Variants in SORCS3 observed in about 807,000 individuals in gnomAD.
SORCS3 encodes the protein sortilin related VPS10 domain containing receptor 3, also known as VPS10 domain-containing receptor SorCS3.
Under a neutral mutation model 146.3 loss-of-function variants are expected in SORCS3, and 57 were observed. The ratio of observed to expected loss-of-function variants is 0.39; its 90% CI spans 0.31 to 0.49. The LOEUF is 0.49. Ranked by LOEUF, SORCS3 falls within the 20% of genes least tolerant of loss-of-function variation. The pLI, the probability that SORCS3 is intolerant of heterozygous loss-of-function variation, is 0.92. For synonymous variants in SORCS3, 653 were observed against 618.5 expected (o/e 1.06, Z -0.83); for missense variants, 1,341 against 1,575.5 (o/e 0.85, Z 2.52).
intron 1 of SORCS3, among the ~76,000 whole-genome samples, chr10:104,700,747 T>C (rs2016271070): frequency 6.6e-6 from 1 of 152,094 alleles, no homozygotes; most frequent in South Asian, 2.1e-4. Flanking sequence ...TGGCTTTAGG[T>C]GCTCTCCGGT....
At chr10:105,247,757 GA>G (rs2056875962) in intron 22 of SORCS3, among the ~76,000 whole-genome samples, 7 of 151,902 alleles carry the variant, frequency 4.6e-5, no homozygotes, top group Non-Finnish European at 7.4e-5. Context: ...AAAAGAAGAA[GA>G]AGAAGAAGAA....
intron 1 of SORCS3, among the ~76,000 whole-genome samples, chr10:104,736,919 C>T (rs1313094847): frequency 6.6e-6 from 1 of 151,992 alleles, no homozygotes; most frequent in Non-Finnish European, 1.5e-5. Flanking sequence ...CTCCTAATGC[C>T]ATCCCTCCCC....
At chr10:105,177,965 A>G (rs2056418171) in intron 13 of SORCS3, 101 bp from the exon 14 acceptor site, 3 of 804,504 alleles carry the variant, frequency 3.7e-6, no homozygotes, top group Non-Finnish European at 6.2e-6. Flanking sequence ...ACACTGCCAG[A>G]AAGCAAGATA....
intron 1 of SORCS3, among the ~76,000 whole-genome samples, chr10:104,710,608 A>G (rs1423007117): frequency 2.6e-5 from 4 of 152,244 alleles, no homozygotes; most frequent in Admixed American, 6.5e-5. Flanking sequence ...GTGACGAAGA[A>G]CATTTCAGCC....
At chr10:104,984,666 A>G (rs1412344289) in intron 4 of SORCS3, among the ~76,000 whole-genome samples, 1 of 152,162 alleles carries the variant, frequency 6.6e-6, no homozygotes, top group Non-Finnish European at 1.5e-5. Flanking sequence ...CCATGTAGCG[A>G]CATAGGTATA....
intron 4 of SORCS3, among the ~76,000 whole-genome samples, chr10:105,011,705 T>C (rs1319302637): frequency 2.0e-5 from 3 of 152,116 alleles, no homozygotes; most frequent in African/African-American, 7.2e-5. Flanking sequence ...CAGTCTAGAT[T>C]GCATAGTGAG....
chr10:105,124,028 C>T (rs140502519), intron 7 of SORCS3, among the ~76,000 whole-genome samples: 18 of 152,252 alleles, frequency 1.2e-4, no homozygotes, highest in Non-Finnish European at 1.8e-4. Flanking sequence ...TCCTATTAAG[C>T]GATCTCATGA....
intron 1 of SORCS3, among the ~76,000 whole-genome samples, chr10:104,675,293 T>C (rs1460173820): frequency 6.6e-6 from 1 of 152,248 alleles, no homozygotes; most frequent in Non-Finnish European, 1.5e-5. Context: ...CCATTTTATA[T>C]TGCATTGTCT....
chr10:105,083,505 T>C (rs2055639101), intron 5 of SORCS3, among the ~76,000 whole-genome samples: 1 of 152,114 alleles, frequency 6.6e-6, no homozygotes, highest in Non-Finnish European at 1.5e-5. Context: ...GGCATGCCTC[T>C]CCTCCCCTCC....
intron 4 of SORCS3, among the ~76,000 whole-genome samples, chr10:104,982,022 A>C (rs150764429): frequency 6.6e-6 from 1 of 152,190 alleles, no homozygotes; most frequent in East Asian, 1.9e-4. Flanking sequence ...AGCACACATA[A>C]TGAAGGGTTG....
intron 2 of SORCS3, among the ~76,000 whole-genome samples, chr10:104,892,662 G>T: frequency 6.6e-6 from 1 of 152,072 alleles, no homozygotes; most frequent in Non-Finnish European, 1.5e-5. Context: ...GGCGGAGGTT[G>T]CAGTAGCCGA....
intron 9 of SORCS3, among the ~76,000 whole-genome samples, chr10:105,155,510 G>T (rs1390418076): frequency 6.6e-6 from 1 of 152,182 alleles, no homozygotes; most frequent in Non-Finnish European, 1.5e-5. Context: ...ACACTGAAAG[G>T]CCTCCATCAG....
chr10:104,644,896 C>A (rs1367146116), intron 1 of SORCS3, among the ~76,000 whole-genome samples: 1 of 152,166 alleles, frequency 6.6e-6, no homozygotes, highest in East Asian at 1.9e-4. Context: ...AGTTTACAGT[C>A]AGGGATGCAG....
At chr10:104,741,405 C>T (rs1163186395) in intron 1 of SORCS3, among the ~76,000 whole-genome samples, 1 of 152,010 alleles carries the variant, frequency 6.6e-6, no homozygotes, top group Admixed American at 6.6e-5. Flanking sequence ...GGAGCAGAGG[C>T]CTCCAAGAAC....
chr10:105,171,145 G>C (rs1173529672), intron 13 of SORCS3, among the ~76,000 whole-genome samples: 1 of 152,156 alleles, frequency 6.6e-6, no homozygotes, highest in African/African-American at 2.4e-5. Context: ...GAGAAAATAA[G>C]AGTAATAATT....
intron 1 of SORCS3, among the ~76,000 whole-genome samples, chr10:104,667,306 CCTATGCCCCAT>C (rs1013121535): frequency 6.7e-6 from 1 of 149,902 alleles, no homozygotes; most frequent in African/African-American, 2.4e-5. Context: ...CTTTTCTCTG[CCTATGCCCCAT>C]CTTTTTGCTT....
At chr10:104,892,249 T>C (rs1286685737) in intron 2 of SORCS3, among the ~76,000 whole-genome samples, 1 of 152,204 alleles carries the variant, frequency 6.6e-6, no homozygotes, top group African/African-American at 2.4e-5. Context: ...TTTAGGGAGA[T>C]GCACTAAGCT....
chr10:105,036,709 A>G (rs886262451), intron 4 of SORCS3, among the ~76,000 whole-genome samples: 2 of 152,158 alleles, frequency 1.3e-5, no homozygotes, highest in African/African-American at 2.4e-5. Context: ...TTTCCTGTCT[A>G]TTACAAATGC....
chr10:105,257,594 G>A (rs751484862), intron 25 of SORCS3, among the ~76,000 whole-genome samples: 15 of 152,164 alleles, frequency 9.9e-5, no homozygotes, highest in Non-Finnish European at 2.2e-4. Flanking sequence ...CTACTAGGAT[G>A]TATACTAATT....
Sources: allele counts gnomAD v4.1 joint callset (sites outside exome capture counted in the v4.1 genomes callset), GRCh38; gene constraint gnomAD v4.1.1; transcripts MANE v1.5; gene names NCBI Gene and HGNC (gene_info 2026-07-23, HGNC 2026-07-21).